The following LINGO2 variants were observed in gnomAD, a reference collection of about 807,000 sequenced individuals.
LINGO2 encodes leucine-rich repeat and immunoglobulin-like domain-containing nogo receptor-interacting protein 2.
LINGO2 carries 14 observed loss-of-function variants against 30.6 expected under a neutral mutation model. The ratio of observed to expected loss-of-function variants is 0.46; its 90% CI spans 0.30 to 0.72. The LOEUF is 0.72. LINGO2 is among the 30% of genes least tolerant of loss of function. The pLI, the probability that LINGO2 is intolerant of heterozygous loss-of-function variation, is 0.07. For missense variants in LINGO2, 729 were observed against 751.7 expected, an observed-to-expected ratio of 0.97 and a Z score of 0.35; for synonymous variants, 317 against 288.5, an observed-to-expected ratio of 1.10 and a Z score of -1.00.
chr9:28,023,589 C>T (rs1273207925), intron 4 of LINGO2, among the ~76,000 whole-genome samples: 1 of 152,144 alleles, frequency 6.6e-6, no homozygotes, highest in Non-Finnish European at 1.5e-5. Context: ...TTCTTAGCTT[C>T]TCCGCAGCCC....
the LINGO2 span, among the ~76,000 whole-genome samples, chr9:29,021,055 A>T: frequency 6.6e-6 from 1 of 152,144 alleles, no homozygotes; most frequent in Non-Finnish European, 1.5e-5. Context: ...ATGTACATTG[A>T]AGGAGAAATC....
At chr9:28,009,083 G>T (rs1420979515) in intron 5 of LINGO2, among the ~76,000 whole-genome samples, 3 of 151,824 alleles carry the variant, frequency 2.0e-5, no homozygotes, top group African/African-American at 7.3e-5. Context: ...TAATGGAATA[G>T]AATTGAGAGT....
chr9:28,200,496 T>C lies in LINGO2; in HGVS notation c.-87+94712A>G, dbSNP rs562402953. ...CCTTTGGGTAAAGCAGGTATAGTTC[T>C]CTTAAGGAAAAAAAAAAATAACCAT... On this transcript the variant is annotated intron_variant, in intron 4 of 5. Coordinates refer to ENST00000379992, the Ensembl canonical transcript of LINGO2. Among the ~76,000 whole-genome samples the C allele has an allele frequency of 1.7e-3, 256 of 150,454 alleles. 2 individuals carry two copies. Among genetic ancestry groups the C allele is most frequent in the African/African-American group, 6.1e-3 (252 of 41,400 alleles).
chr9:28,422,956 T>C lies in LINGO2; in HGVS notation c.-278-50088A>G, dbSNP rs991342520. On this transcript the variant is annotated intron_variant, in intron 2 of 5. Transcript: ENST00000379992. The stretch of plus-strand genomic sequence containing the variant: ...ACAAATACCTTATAATTCCACTTAT[T>C]ATCAGGTACCTAGAATAGTCAAAAT... Among the ~76,000 whole-genome samples, 4 of 152,192 alleles carry C rather than the reference T, an allele frequency of 2.6e-5. No individual in the cohort carries two copies. The East Asian group carries it at 5.8e-4, about 22-fold the overall frequency.
intron 4 of LINGO2, among the ~76,000 whole-genome samples, chr9:28,139,399 T>A (rs563206775): frequency 6.6e-6 from 1 of 152,356 alleles, no homozygotes; most frequent in Admixed American, 6.5e-5. Flanking sequence ...GGGTAGAATA[T>A]ACCTTTCTTT....
At chr9:28,963,632 A>G in the LINGO2 span, among the ~76,000 whole-genome samples, 4 of 151,760 alleles carry the variant, frequency 2.6e-5, no homozygotes, top group African/African-American at 7.3e-5. Context: ...TTGCAGCAAC[A>G]TGGATGCAAA....
At chr9:28,872,594 G>T in the LINGO2 span, among the ~76,000 whole-genome samples, 1 of 152,138 alleles carries the variant, frequency 6.6e-6, no homozygotes, top group Non-Finnish European at 1.5e-5. Context: ...TTTGGTACAT[G>T]CTTCCAAGGG....
chr9:28,178,781 A>T (rs1299238114), intron 4 of LINGO2, among the ~76,000 whole-genome samples: 1 of 152,174 alleles, frequency 6.6e-6, no homozygotes, highest in Non-Finnish European at 1.5e-5. Flanking sequence ...GAATATTATT[A>T]TTGGCAGCTG....
At chr9:28,804,345 A>T in the LINGO2 span, among the ~76,000 whole-genome samples, 1 of 152,100 alleles carries the variant, frequency 6.6e-6, no homozygotes, top group Non-Finnish European at 1.5e-5. Flanking sequence ...ACGACCTAGA[A>T]ATTCCTGCAA....
chr9:29,190,994 TG>T, the LINGO2 span, among the ~76,000 whole-genome samples: 1 of 152,180 alleles, frequency 6.6e-6, no homozygotes, highest in Non-Finnish European at 1.5e-5. Context: ...TAATATTTAT[TG>T]AGTGTCAATT....
At chr9:28,121,807 C>G (rs537143617) in intron 4 of LINGO2, among the ~76,000 whole-genome samples, 1 of 152,244 alleles carries the variant, frequency 6.6e-6, no homozygotes, top group Non-Finnish European at 1.5e-5. Context: ...TGTCATTACT[C>G]CACTAGAATA....
chr9:29,013,595 C>T, the LINGO2 span, among the ~76,000 whole-genome samples: 2 of 152,096 alleles, frequency 1.3e-5, no homozygotes, highest in Admixed American at 1.3e-4. Flanking sequence ...GAGGATTCTG[C>T]TTGTATTTTG....
intron 1 of LINGO2, among the ~76,000 whole-genome samples, chr9:28,620,767 G>A (rs1177274765): frequency 6.6e-6 from 1 of 152,034 alleles, no homozygotes; most frequent in African/African-American, 2.4e-5. Context: ...ATAAGTGGGA[G>A]CTAAATGATG....
intron 4 of LINGO2, among the ~76,000 whole-genome samples, chr9:28,212,803 G>A (rs746447044): frequency 7.9e-5 from 12 of 151,342 alleles, no homozygotes; most frequent in Non-Finnish European, 1.8e-4. Context: ...GAATAGCACA[G>A]ACATAGGACA....
chr9:28,220,874 A>T, intron 4 of LINGO2, among the ~76,000 whole-genome samples: 1 of 152,224 alleles, frequency 6.6e-6, no homozygotes, highest in East Asian at 1.9e-4. Flanking sequence ...AAAAAAACCC[A>T]AACAAACAAA....
At chr9:28,812,368 G>A in the LINGO2 span, among the ~76,000 whole-genome samples, 23 of 151,998 alleles carry the variant, frequency 1.5e-4, no homozygotes, top group African/African-American at 5.1e-4. Flanking sequence ...AAAATGAAAT[G>A]TAAATATATT....
intron 4 of LINGO2, chr9:28,080,997 T>A (rs1825758327): frequency 6.6e-6 from 1 of 152,210 alleles, no homozygotes; most frequent in African/African-American, 2.4e-5. Context: ...GAAGATAAGT[T>A]GCACTTTTAT....
intron 4 of LINGO2, among the ~76,000 whole-genome samples, chr9:28,248,488 G>A (rs1039001444): frequency 7.9e-5 from 12 of 152,264 alleles, no homozygotes; most frequent in Non-Finnish European, 1.6e-4. Flanking sequence ...TACAGGGAAG[G>A]ATATGCAGAT....
At chr9:28,927,177 C>A in the LINGO2 span, among the ~76,000 whole-genome samples, 2 of 152,162 alleles carry the variant, frequency 1.3e-5, no homozygotes, top group Admixed American at 1.3e-4. Flanking sequence ...GTGCCCCAAA[C>A]CATAAAGGGA....
Sources: gnomAD v4.1 joint callset for allele counts (sites outside exome capture counted in the v4.1 genomes callset) on GRCh38, gnomAD v4.1.1 for gene constraint, MANE v1.5 for transcripts, NCBI Gene and HGNC (gene_info 2026-07-23, HGNC 2026-07-21) for gene names.